The following DRC1 variants were observed in gnomAD, a reference collection of about 807,000 sequenced individuals.
The protein encoded by DRC1 is dynein regulatory complex subunit 1.
DRC1 carries 74 observed loss-of-function variants against 98.7 expected under a neutral mutation model. The observed-to-expected ratio is 0.75, with a 90% CI of 0.62 to 0.91. DRC1 has a LOEUF of 0.91. Among genes scored for constraint, DRC1 ranks in the 40% least tolerant of loss-of-function variants. The pLI is 0.00. For missense variants in DRC1, 875 were observed against 886.0 expected, an observed-to-expected ratio of 0.99 and a Z score of 0.16; for synonymous variants, 336 against 334.1, an observed-to-expected ratio of 1.01 and a Z score of -0.06.
chr2:26,409,736 G>A (rs187609355), intron 1 of DRC1, among the ~76,000 whole-genome samples: 13 of 152,220 alleles, frequency 8.5e-5, no homozygotes, highest in Admixed American at 7.8e-4. Context: ...CCTCATAAGA[G>A]TTGTTTTATC....
At chr2:26,436,559 C>T (rs1663576455) in intron 7 of DRC1, among the ~76,000 whole-genome samples, 1 of 152,218 alleles carries the variant, frequency 6.6e-6, no homozygotes, top group Admixed American at 6.5e-5. Context: ...GCAATCCTCC[C>T]TCTTTGGTCT....
intron 1 of DRC1, among the ~76,000 whole-genome samples, chr2:26,411,751 G>A (rs1678616771): frequency 6.6e-6 from 1 of 151,432 alleles, no homozygotes; most frequent in African/African-American, 2.4e-5. Flanking sequence ...GAGCCGAGAT[G>A]GCTCCACTGC....
intron 1 of DRC1, among the ~76,000 whole-genome samples, chr2:26,412,876 G>A (rs538878244): frequency 9.9e-5 from 15 of 152,092 alleles, no homozygotes; most frequent in Non-Finnish European, 1.9e-4. Flanking sequence ...TCCGCCTCCC[G>A]GGTTCACGCC....
intron 8 of DRC1, among the ~76,000 whole-genome samples, chr2:26,443,331 T>C (rs907330124): frequency 6.6e-6 from 1 of 152,208 alleles, no homozygotes; most frequent in Non-Finnish European, 1.5e-5. Flanking sequence ...GCGCCTGCCA[T>C]GCATATTTTA....
At chr2:26,437,802 C>T (rs983508408) in intron 7 of DRC1, among the ~76,000 whole-genome samples, 8 of 151,588 alleles carry the variant, frequency 5.3e-5, no homozygotes, top group South Asian at 2.1e-4. Context: ...TATGATGAAG[C>T]GGCATAGTAT....
At chr2:26,413,926 G>A (rs906024637) in intron 1 of DRC1, among the ~76,000 whole-genome samples, 16 of 151,680 alleles carry the variant, frequency 1.1e-4, no homozygotes, top group African/African-American at 3.6e-4. Context: ...TAATATTTAA[G>A]TTTTTTAAAT....
At chr2:26,447,984 G>C (rs547821214) in intron 10 of DRC1, among the ~76,000 whole-genome samples, 19 of 151,662 alleles carry the variant, frequency 1.3e-4, no homozygotes, top group African/African-American at 4.6e-4. Context: ...CAGCACTTTG[G>C]GAGGCCGAGG....
intron 11 of DRC1, among the ~76,000 whole-genome samples, chr2:26,449,783 C>G (rs1663951704): frequency 1.3e-5 from 2 of 152,136 alleles, no homozygotes; most frequent in African/African-American, 2.4e-5. Flanking sequence ...GGCTTTGTCC[C>G]TGGCCTTGCT....
At chr2:26,432,096 T>A (rs1211461072) in intron 7 of DRC1, 90 bp downstream of exon 7, 1 of 1,498,328 alleles carries the variant, frequency 6.7e-7, no homozygotes, top group African/African-American at 1.4e-5. Context: ...CTACCTGTGA[T>A]ATTCTAGAGG....
Position 26,454,609 on chromosome 2 carries a change from C to T in DRC1, c.1920-38C>T, listed in dbSNP as rs1187010562. On this transcript the variant is annotated intron_variant, in intron 14 of 16. Coordinates refer to ENST00000288710, the MANE Select transcript of DRC1 (RefSeq NM_145038.5). The surrounding 1 kb of genome is among the most constrained non-coding windows in gnomAD (Gnocchi z 5.2). ...CACTGCCTGGGGGCCTGGGTAGTAC[C>T]CAATGGACATGACAATCACTGTGCT... The T allele has an allele frequency of 8.7e-6, 14 of 1,610,910 alleles. No individual in the cohort carries two copies. The highest frequency in any genetic ancestry group is 1.6e-4 in the Middle Eastern group (1 of 6,072).
At chr2:26,445,440 C>A (rs1224991756) in intron 10 of DRC1, among the ~76,000 whole-genome samples, 1 of 152,086 alleles carries the variant, frequency 6.6e-6, no homozygotes, top group African/African-American at 2.4e-5. Context: ...TCTCTGTTTA[C>A]CAGTTTTCAA....
Position 26,444,259 on chromosome 2 carries a change from G to A in DRC1, c.1066G>A (p.Ala356Thr), listed in dbSNP as rs763083128. 3.1e-6 allele frequency: 5 copies of A among 1,614,028 alleles called. No individual in the cohort carries two copies. Among genetic ancestry groups the A allele is most frequent in the African/African-American group, 1.3e-5 (1 of 74,926 alleles). The stretch of plus-strand genomic sequence containing the variant: ...ACTTAACAATCTGAGATCAAAATAT[G>A]CCAAGCAAATAAAGCAGTTTCAGGA... The part of the protein sequence containing the change: ...DILNNLRSKY[A>T]KQIKQFQEEN... The change falls in exon 9 of 17, where the codon GCC (alanine) becomes ACC (threonine). Residue 356 changes from alanine to threonine, a missense_variant. By Grantham distance (58) the Ala-to-Thr change is moderately conservative (BLOSUM62 0). Transcript: ENST00000288710.
At chr2:26,430,723 T>G in intron 5 of DRC1, 63 bp from the exon 6 acceptor site, 1 of 1,555,602 alleles carries the variant, frequency 6.4e-7, no homozygotes, top group Non-Finnish European at 8.9e-7. Flanking sequence ...GAAAGTTCTT[T>G]GACACTGGTG....
chr2:26,419,586 A>G (rs1052978179), intron 2 of DRC1, among the ~76,000 whole-genome samples: 8 of 152,232 alleles, frequency 5.3e-5, no homozygotes, highest in Non-Finnish European at 8.8e-5. Context: ...TTCTGTATTC[A>G]ATGAAACTAC....
At chr2:26,420,864 A>G (rs1287757045) in intron 2 of DRC1, among the ~76,000 whole-genome samples, 2 of 151,136 alleles carry the variant, frequency 1.3e-5, no homozygotes, top group East Asian at 1.9e-4. Context: ...CCCAGGTTCA[A>G]ATGATTCTCC....
Position 26,447,106 on chromosome 2 carries a change from A to T in DRC1, c.1397-1585A>T, listed in dbSNP as rs191553878. ...CTCTTTCTCAAAAAAATAAAAAATA[A>T]TAAAAATTAAAAAAAAAATAAAAAT... On this transcript the variant is annotated intron_variant, in intron 10 of 16. Coordinates refer to ENST00000288710, the MANE Select transcript of DRC1 (RefSeq NM_145038.5). 1.8e-3 allele frequency among the ~76,000 whole-genome samples: 270 copies of T among 151,234 alleles called. 1 individual carries two copies. Among genetic ancestry groups the T allele is most frequent in the African/African-American group, 6.2e-3 (254 of 41,162 alleles).
rs5830010 is a variant in DRC1 at position 26,406,813 on chromosome 2, C to CTTTTT, written c.155+4687_155+4691dup. 2.8e-4 allele frequency among the ~76,000 whole-genome samples: 28 copies of CTTTTT among 101,604 alleles called. 1 individual carries two copies. The highest frequency in any genetic ancestry group is 4.7e-4 in the African/African-American group (11 of 23,174). 66.7% of individuals were successfully genotyped at this position (101,604 alleles called of 152,430 possible). A position where few individuals can be genotyped will look rare whatever the true frequency, so the allele number is the denominator to read the frequency against. On this transcript the variant is annotated intron_variant, in intron 1 of 16. Transcript: ENST00000288710. ...GACATTTCTGGGAGATGTCACTTTC[C>CTTTTT]TTTTTTTTTTTTTTTTTTTTTTGAG... is the stretch of plus-strand genomic sequence containing the variant.
chr2:26,451,246 C>T (rs1367280255), intron 13 of DRC1, among the ~76,000 whole-genome samples: 1 of 152,042 alleles, frequency 6.6e-6, no homozygotes, highest in South Asian at 2.1e-4. Flanking sequence ...TTTCCTGCAC[C>T]CTCCCTCAAA....
At chr2:26,443,901 C>T (rs140657554) in intron 8 of DRC1, among the ~76,000 whole-genome samples, 5 of 151,952 alleles carry the variant, frequency 3.3e-5, no homozygotes, top group African/African-American at 1.2e-4. Context: ...GAGGCTGGCC[C>T]TAGGTATGGG....
Sources: gnomAD v4.1 joint callset for allele counts (sites outside exome capture counted in the v4.1 genomes callset) on GRCh38, gnomAD v4.1.1 for gene constraint, Gnocchi (gnomAD v3.1) non-coding constraint, MANE v1.5 for transcripts, NCBI Gene and HGNC (gene_info 2026-07-23, HGNC 2026-07-21) for gene names.